The following RETN variants were observed in gnomAD, a reference collection of about 807,000 sequenced individuals.
RETN encodes the protein resistin.
Under a neutral mutation model 6.1 loss-of-function variants are expected in RETN, and 5 were observed. That is an observed-to-expected ratio of 0.82 (90% CI 0.43 to 1.73). RETN has a LOEUF of 1.73. Among genes scored for constraint, RETN ranks in the 40% most tolerant of loss-of-function variants. The pLI is 0.02. For synonymous variants in RETN, 62 were observed against 59.2 expected (o/e 1.05, Z -0.22); for missense variants, 168 against 142.5 (o/e 1.18, Z -0.91).
At chr19:7,669,496 G>C (rs1352776434) in intron 2 of RETN, 52 bp downstream of exon 2, 1 of 1,280,564 alleles carries the variant, frequency 7.8e-7, no homozygotes, top group Non-Finnish European at 1.1e-6. Context: ...AGACCTCACT[G>C]ATCCCTGGCA....
At chr19:7,670,131 CA>C in intron 3 of RETN, 87 bp from the exon 4 acceptor site, 1 of 521,544 alleles carries the variant, frequency 1.9e-6, no homozygotes, top group Non-Finnish European at 3.5e-6. Flanking sequence ...CCCGCCCCCC[CA>C]ACCCCCCTCC....
rs921779217 is a variant in RETN at position 7,669,844 on chromosome 19, G to A, written c.142G>A (p.Gly48Ser). The A allele has an allele frequency of 5.0e-6, 8 of 1,613,958 alleles. No individual in the cohort carries two copies. Among genetic ancestry groups the A allele is most frequent in the Non-Finnish European group, 6.8e-6 (8 of 1,180,016 alleles). The change falls in exon 3 of 4, where the codon GGC becomes AGC. Residue 48 changes from glycine (G) to serine (S), a missense_variant. Physicochemically the swap from Gly to Ser is moderately conservative, Grantham distance 56 (BLOSUM62 0). Transcript: ENST00000221515. ...SLIFRAISSI[G>S]LECQSVTSRG... ...AGTATTTAGGGCAATAAGCAGCATT[G>A]GCCTGGAGTGCCAGAGCGTCACCTC... is the stretch of plus-strand genomic sequence containing the variant.
chr19:7,670,262 G>A lies in RETN; in HGVS notation c.240G>A (p.Ser80=), dbSNP rs957499232. 6 of 1,594,620 alleles carry A rather than the reference G, an allele frequency of 3.8e-6. No individual in the cohort carries two copies. The African/African-American group carries it at 5.4e-5, about 14-fold the overall frequency. Residue 80 remains serine, a synonymous_variant, in exon 4 of 4, where the codon TCG becomes TCA. Transcript: ENST00000221515. ...TGCTCGSACG[S]WDVRAETTCH... ...GCACTTGTGGCTCCGCCTGTGGCTC[G>A]TGGGATGTGCGCGCCGAGACCACAT... is the stretch of plus-strand genomic sequence containing the variant.
intron 3 of RETN, 21 bp from the exon 4 acceptor site, chr19:7,670,198 C>T: frequency 6.3e-7 from 1 of 1,591,618 alleles, no homozygotes; most frequent in Non-Finnish European, 8.5e-7. Flanking sequence ...AGAGTCCACG[C>T]TCCTGTGTTC....
intron 1 of RETN, 93 bp downstream of exon 1, chr19:7,669,214 C>A: frequency 1.2e-6 from 1 of 803,418 alleles, no homozygotes; most frequent in Non-Finnish European, 2.2e-6. Context: ...CATGGGGGGA[C>A]AGGGGTCCAG....
intron 2 of RETN, 70 bp from the exon 3 acceptor site, chr19:7,669,751 C>T: frequency 3.6e-6 from 5 of 1,402,562 alleles, no homozygotes; most frequent in Admixed American, 3.5e-5. Context: ...ACCAACAGGG[C>T]TAGGGGAGGA....
rs1165836358 is a variant in RETN at position 7,669,822 on chromosome 19, A to G, written c.120A>G (p.Ile40Met). The change falls in exon 3 of 4, where the codon ATA (isoleucine) becomes ATG (methionine). Residue 40 changes from isoleucine to methionine, a missense_variant and splice_region_variant. Ile to Met is a conservative substitution (Grantham distance 10). Coordinates refer to ENST00000221515, the MANE Select transcript of RETN (RefSeq NM_020415.4). ...GTCTCCTTTCCTCCTGCCCCCCAGT[A>G]TTTAGGGCAATAAGCAGCATTGGCC... ...ERIQEVAGSLIFRAISSIGLE... is the reference protein window; with the variant it reads ...ERIQEVAGSLMFRAISSIGLE... 4 of 1,613,770 alleles carry G rather than the reference A, an allele frequency of 2.5e-6. No homozygotes were observed. Among genetic ancestry groups the G allele is most frequent in the Non-Finnish European group, 3.4e-6 (4 of 1,179,796 alleles).
chr19:7,670,286 A>ACG lies in RETN; in HGVS notation c.264_265insCG (p.Cys89ArgfsTer47). ...CGTGGGATGTGCGCGCCGAGACCAC[A>ACG]TGTCACTGCCAGTGCGCGGGCATGG... is the stretch of plus-strand genomic sequence containing the variant. On this transcript the variant is annotated frameshift_variant, in exon 4 of 4. Transcript: ENST00000221515. LOFTEE classifies it high-confidence loss of function. The ACG allele has an allele frequency of 6.3e-7, 1 of 1,594,560 alleles. No individual in the cohort carries two copies. The highest frequency in any genetic ancestry group is 8.5e-7 in the Non-Finnish European group (1 of 1,175,476).
In RETN at chr19:7,669,801, C is replaced by T. The variant is rs747160906; in HGVS notation, c.119-20C>T. On this transcript the variant is annotated intron_variant, in intron 2 of 3. Coordinates refer to ENST00000221515, the MANE Select transcript of RETN (RefSeq NM_020415.4). ...TTTGGTCTCACAGCTCCCCCTGTCTCCTTTCCTCCTGCCCCCCAGTATTTA... is the reference window on the plus strand; with the variant it reads ...TTTGGTCTCACAGCTCCCCCTGTCTTCTTTCCTCCTGCCCCCCAGTATTTA... 1.2e-6 allele frequency: 2 copies of T among 1,611,998 alleles called. No individual in the cohort carries two copies. Among genetic ancestry groups the T allele is most frequent in the Non-Finnish European group, 8.5e-7 (1 of 1,178,302 alleles).
Position 7,670,407 on chromosome 19 carries a change from GC to G in RETN, c.*59del. 1 of 1,511,458 alleles carries G rather than the reference GC, an allele frequency of 6.6e-7. No homozygotes were observed. Among genetic ancestry groups the G allele is most frequent in the East Asian group, 2.5e-5 (1 of 40,418 alleles). 93.6% of individuals were successfully genotyped at this position (1,511,458 alleles called of 1,614,324 possible). ...AGGCGGCTCCAGGTCCGGAGGGGTT[GC>G]GGGGGAGCTGGAAATAAACCTGGAG... On this transcript the variant is annotated 3_prime_UTR_variant, in exon 4 of 4. Coordinates refer to ENST00000221515, the MANE Select transcript of RETN (RefSeq NM_020415.4).
At chr19:7,669,257 CG>C (rs1272194598) in intron 1 of RETN, 59 bp from the exon 2 acceptor site, 1 of 1,199,852 alleles carries the variant, frequency 8.3e-7, no homozygotes, top group Non-Finnish European at 1.2e-6. Context: ...CTCCATGGGC[CG>C]GATCTTCCCC....
Position 7,669,088 on chromosome 19 carries a change from G to A in RETN, c.-44G>A. 6 of 513,504 alleles carry A rather than the reference G, an allele frequency of 1.2e-5. No individual in the cohort carries two copies. Among genetic ancestry groups the A allele is most frequent in the South Asian group, 1.1e-4 (5 of 44,054 alleles). 31.8% of individuals were successfully genotyped at this position (513,504 alleles called of 1,614,324 possible). A position where few individuals can be genotyped will look rare whatever the true frequency, so the allele number is the denominator to read the frequency against. On this transcript the variant is annotated 5_prime_UTR_variant, in exon 1 of 4. It adds an upstream start codon to the 5' untranslated region. Coordinates refer to ENST00000221515, the MANE Select transcript of RETN (RefSeq NM_020415.4). ...AAAGAGCTGCGGTGCAGGAATTCGT[G>A]TGCCGGATTTGGTTAGCTGAGCCCA...
At chr19:7,670,432 AGAT>A (rs3833230) in exon 4 of RETN, 228 of 1,143,116 alleles carry the variant, frequency 2.0e-4, 1 homozygote, top group African/African-American at 1.3e-3. Flanking sequence ...ATAAACCTGG[AGAT>A]GATGATGATG....
rs2032463201 is a variant in RETN at position 7,669,821 on chromosome 19, T to C, written c.119T>C (p.Ile40Thr). 2 of 1,613,636 alleles carry C rather than the reference T, an allele frequency of 1.2e-6. No homozygotes were observed. Among genetic ancestry groups the C allele is most frequent in the African/African-American group, 1.3e-5 (1 of 74,854 alleles). The change falls in exon 3 of 4, where the codon ATA (isoleucine) becomes ACA (threonine). Residue 40 changes from isoleucine to threonine, a missense_variant and splice_region_variant. By Grantham distance (89) the Ile-to-Thr change is moderately conservative. Transcript: ENST00000221515. ...ERIQEVAGSLIFRAISSIGLE... is the reference protein window; with the variant it reads ...ERIQEVAGSLTFRAISSIGLE... ...TGTCTCCTTTCCTCCTGCCCCCCAG[T>C]ATTTAGGGCAATAAGCAGCATTGGC...
rs968431289 is a variant in RETN, at chr19:7,670,384, G to A, written c.*35G>A. The stretch of plus-strand genomic sequence containing the variant: ...CAGCGCGTGCACAGCGCGGGCGGAG[G>A]CGGCTCCAGGTCCGGAGGGGTTGCG... On this transcript the variant is annotated 3_prime_UTR_variant, in exon 4 of 4. Transcript: ENST00000221515. 9 of 1,531,126 alleles carry A rather than the reference G, an allele frequency of 5.9e-6. No individual in the cohort carries two copies. Among genetic ancestry groups the A allele is most frequent in the East Asian group, 4.9e-5 (2 of 40,912 alleles). The allele number at this position is 1,531,126 out of a possible 1,614,324, so 94.8% of individuals were successfully genotyped here.
At chr19:7,669,925 C>G (rs374889489) in intron 3 of RETN, 27 bp downstream of exon 3, 1 of 1,594,828 alleles carries the variant, frequency 6.3e-7, no homozygotes, top group Non-Finnish European at 8.6e-7. Flanking sequence ...GTTGTCCAGG[C>G]GCCCATTTCT....
In RETN at chr19:7,669,963, C is replaced by T. The variant is rs1215734071; in HGVS notation, c.196+65C>T. 2.4e-6 allele frequency: 3 copies of T among 1,238,560 alleles called. No individual in the cohort carries two copies. The African/African-American group carries it at 4.4e-5, about 18-fold the overall frequency. The allele number at this position is 1,238,560 out of a possible 1,614,324, so 76.7% of individuals were successfully genotyped here. ...TCCAAGTCCCCTGGGAATGCCCCCTCCCCGCCACGTTCCCCGTGTCCAGCC... is the reference window on the plus strand; with the variant it reads ...TCCAAGTCCCCTGGGAATGCCCCCTTCCCGCCACGTTCCCCGTGTCCAGCC... On this transcript the variant is annotated intron_variant, in intron 3 of 3. Coordinates refer to ENST00000221515, the MANE Select transcript of RETN (RefSeq NM_020415.4).
chr19:7,670,269 G>T lies in RETN; in HGVS notation c.247G>T (p.Val83Leu). ...TCGSACGSWDVRAETTCHCQC... is the reference protein window; with the variant it reads ...TCGSACGSWDLRAETTCHCQC... ...TGGCTCCGCCTGTGGCTCGTGGGAT[G>T]TGCGCGCCGAGACCACATGTCACTG... The change falls in exon 4 of 4, where the codon GTG (valine) becomes TTG (leucine). Residue 83 changes from valine to leucine, a missense_variant. Coordinates refer to ENST00000221515, the MANE Select transcript of RETN (RefSeq NM_020415.4). 6.3e-7 allele frequency: 1 copy of T among 1,596,408 alleles called. No individual in the cohort carries two copies.
chr19:7,669,115 C>G lies in RETN; in HGVS notation c.-17C>G. 1.8e-6 allele frequency: 1 copy of G among 554,682 alleles called. No individual in the cohort carries two copies. Among genetic ancestry groups the G allele is most frequent in the South Asian group, 2.1e-5 (1 of 47,054 alleles). 34.4% of individuals were successfully genotyped at this position (554,682 alleles called of 1,614,324 possible). A position where few individuals can be genotyped will look rare whatever the true frequency, so the allele number is the denominator to read the frequency against. ...GCCGGATTTGGTTAGCTGAGCCCAC[C>G]GAGAGGGTAAGTGACAGCTGCTCCT... On this transcript the variant is annotated 5_prime_UTR_variant, in exon 1 of 4. Coordinates refer to ENST00000221515, the MANE Select transcript of RETN (RefSeq NM_020415.4).
Sources: allele counts gnomAD v4.1 joint callset, GRCh38; gene constraint gnomAD v4.1.1; transcripts MANE v1.5; gene names NCBI Gene and HGNC (gene_info 2026-07-23, HGNC 2026-07-21).